Variants in ZC3H11A observed in about 807,000 individuals in gnomAD.
ZC3H11A encodes the protein zinc finger CCCH domain-containing protein 11A.
In ZC3H11A, 22 loss-of-function variants were observed where a neutral mutation model predicts 90.8. The ratio of observed to expected loss-of-function variants is 0.24; its 90% confidence interval spans 0.17 to 0.35. The LOEUF (loss-of-function observed/expected upper bound fraction) is 0.35, where lower values mean the gene tolerates loss of function less well. Ranked by LOEUF, ZC3H11A falls within the 10% of genes least tolerant of loss-of-function variation. The probability of loss-of-function intolerance (pLI) is 1.00; values close to 1 mark genes in which losing one functional copy is unlikely to be tolerated. For missense variants in ZC3H11A, 701 were observed against 964.9 expected, an observed-to-expected ratio of 0.73 and a Z score of 3.62; for synonymous variants, 294 against 339.8, an observed-to-expected ratio of 0.87 and a Z score of 1.48.
At chr1:203,800,610 T>C in intron 1 of ZC3H11A, 1 of 651,612 alleles carries the variant, frequency 1.5e-6, no homozygotes, top group Non-Finnish European at 2.3e-6. Context: ...AGAGGCAATA[T>C]AATTTTGATA....
At chr1:203,848,514 A>G in intron 14 of ZC3H11A, 107 bp downstream of exon 14, 1 of 764,270 alleles carries the variant, frequency 1.3e-6, no homozygotes, top group Non-Finnish European at 2.1e-6. Context: ...TATATTAGGT[A>G]AACAGTCTTT....
intron 8 of ZC3H11A, among the ~76,000 whole-genome samples, 156 bp from the exon 9 acceptor site, chr1:203,831,505 T>C (rs138979836): frequency 4.4e-4 from 67 of 152,344 alleles, no homozygotes; most frequent in Non-Finnish European, 7.3e-4. Context: ...CACTACTCCA[T>C]TTGACTGTAG....
At chr1:203,838,540 C>T (rs553223597) in intron 11 of ZC3H11A, among the ~76,000 whole-genome samples, 47 of 152,322 alleles carry the variant, frequency 3.1e-4, no homozygotes, top group African/African-American at 1.1e-3. Context: ...GCTCAAGGAA[C>T]TGCATATGGC....
At chr1:203,840,183 C>T (rs988231728) in intron 11 of ZC3H11A, 123 bp from the exon 12 acceptor site, 3 of 862,564 alleles carry the variant, frequency 3.5e-6, no homozygotes, top group African/African-American at 3.4e-5. Context: ...AAGTGATCAG[C>T]CTGCCTTGGC....
chr1:203,819,252 C>T (rs1347231138), intron 4 of ZC3H11A, among the ~76,000 whole-genome samples: 1 of 145,354 alleles, frequency 6.9e-6, no homozygotes, highest in African/African-American at 2.6e-5. Context: ...AACGGAGTCT[C>T]ACTCTGTCGC....
intron 2 of ZC3H11A, among the ~76,000 whole-genome samples, chr1:203,805,219 C>T (rs1406133114): frequency 6.6e-6 from 1 of 151,028 alleles, no homozygotes; most frequent in African/African-American, 2.4e-5. Context: ...ACTGGACCTC[C>T]GCCTCCTGGG....
chr1:203,832,809 G>A (rs1682826923), intron 9 of ZC3H11A, among the ~76,000 whole-genome samples: 1 of 152,228 alleles, frequency 6.6e-6, no homozygotes, highest in African/African-American at 2.4e-5. Context: ...AGTTATATTG[G>A]ACAGTTAACA....
chr1:203,852,491 T>G lies in ZC3H11A; in HGVS notation c.*92T>G, dbSNP rs530192881. The G allele has an allele frequency of 4.3e-5, 61 of 1,430,326 alleles. 1 individual carries two copies. In the South Asian group the frequency reaches 7.9e-4, roughly 18 times the overall value. 88.6% of individuals were successfully genotyped at this position (1,430,326 alleles called of 1,614,324 possible). A position where few individuals can be genotyped will look rare whatever the true frequency, so the allele number is the denominator to read the frequency against. ...ACATTTACCTGAGATGATCATTTCTTTAGTCTAGAATTTGCCCCAAATCAG... is the reference window on the plus strand; with the variant it reads ...ACATTTACCTGAGATGATCATTTCTGTAGTCTAGAATTTGCCCCAAATCAG... On this transcript the variant is annotated 3_prime_UTR_variant, in exon 18 of 18. Coordinates refer to ENST00000367210, the MANE Select transcript of ZC3H11A (RefSeq NM_001376342.1).
At chr1:203,819,175 T>C in intron 4 of ZC3H11A, among the ~76,000 whole-genome samples, 1 of 148,700 alleles carries the variant, frequency 6.7e-6, no homozygotes, top group African/African-American at 2.4e-5. Context: ...TATATGTGTG[T>C]GTATATATAT....
At chr1:203,807,524 T>G (rs371490160) in intron 2 of ZC3H11A, among the ~76,000 whole-genome samples, 4 of 150,758 alleles carry the variant, frequency 2.7e-5, no homozygotes. Flanking sequence ...GTCTTACTGT[T>G]TTTTTTTTGT....
intron 2 of ZC3H11A, among the ~76,000 whole-genome samples, chr1:203,806,851 A>G (rs371834021): frequency 2.0e-5 from 1 of 49,722 alleles, no homozygotes; most frequent in Non-Finnish European, 4.3e-5. Context: ...TTTTTTTGCT[A>G]TTTTACTTGA....
At chr1:203,842,428 C>T (rs944042036) in intron 12 of ZC3H11A, among the ~76,000 whole-genome samples, 1 of 152,162 alleles carries the variant, frequency 6.6e-6, no homozygotes. Flanking sequence ...GAAACCCCGT[C>T]TCCACCAAAA....
At position 203,833,796 on chromosome 1, in the gene ZC3H11A, G is replaced by C. The variant is rs1298993328; in HGVS notation, c.817G>C (p.Glu273Gln). 5 of 1,605,974 alleles carry C rather than the reference G, an allele frequency of 3.1e-6. No individual in the cohort carries two copies. Among genetic ancestry groups the C allele is most frequent in the East Asian group, 4.5e-5 (2 of 44,564 alleles). ...TVTLSTKQGE[E>Q]PLVRLSLTER... is the part of the protein sequence containing the mutation. Reference sequence around the variant, plus strand: ...TTCTGCTTTTGCCATTTCAGGAGAAGAACCCTTGGTTAGATTGAGTCTTAC... The same window carrying C: ...TTCTGCTTTTGCCATTTCAGGAGAACAACCCTTGGTTAGATTGAGTCTTAC... Residue 273 changes from glutamate to glutamine, a missense_variant, in exon 10 of 18, where the codon GAA (glutamate) becomes CAA (glutamine). Physicochemically the swap from Glu to Gln is conservative, Grantham distance 29 (BLOSUM62 2). Coordinates refer to ENST00000367210, the MANE Select transcript of ZC3H11A (RefSeq NM_001376342.1).
intron 13 of ZC3H11A, among the ~76,000 whole-genome samples, 165 bp downstream of exon 13, chr1:203,847,852 T>C (rs1217464961): frequency 2.0e-5 from 3 of 152,140 alleles, no homozygotes; most frequent in Non-Finnish European, 4.4e-5. Context: ...AGACCTATGC[T>C]ATTTTGTTTT....
At chr1:203,808,980 G>A (rs546024849) in intron 2 of ZC3H11A, among the ~76,000 whole-genome samples, 8 of 150,664 alleles carry the variant, frequency 5.3e-5, no homozygotes, top group East Asian at 2.0e-4. Flanking sequence ...ACAGGCATTC[G>A]CCACCACGCC....
chr1:203,819,428 G>A (rs900564535), intron 4 of ZC3H11A, among the ~76,000 whole-genome samples: 1 of 151,096 alleles, frequency 6.6e-6, no homozygotes, highest in Non-Finnish European at 1.5e-5. Flanking sequence ...TACCACGCAG[G>A]CCAGGCTGGG....
At chr1:203,797,901 A>G (rs1669159059) in intron 1 of ZC3H11A, 6 of 1,536,084 alleles carry the variant, frequency 3.9e-6, no homozygotes, top group Non-Finnish European at 4.4e-6. Context: ...CTATCTACCT[A>G]GTACTAGAGC....
chr1:203,820,487 T>TGTGTGTGTGTGTGTG (rs1553263519), intron 4 of ZC3H11A, among the ~76,000 whole-genome samples: 5 of 152,032 alleles, frequency 3.3e-5, no homozygotes, highest in Non-Finnish European at 5.9e-5. Context: ...TGTGTGTATA[T>TGTGTGTGTGTGTGTG]TTTGAGTTGA....
rs386369376 is a variant in ZC3H11A at position 203,812,578 on chromosome 1, AT to A, written c.-145-4327del. On this transcript the variant is annotated intron_variant, in intron 2 of 17. Transcript: ENST00000367210. Reference sequence around the variant, plus strand: ...GTATTTTGGATTTTAGCCATTCTAAATTTTTTTTTTTTTTTTTTTTTGAGAC... The same window carrying A: ...GTATTTTGGATTTTAGCCATTCTAAATTTTTTTTTTTTTTTTTTTTGAGAC... Among the ~76,000 whole-genome samples the A allele has an allele frequency of 4.1e-3, 447 of 109,298 alleles. 3 individuals carry two copies. Among genetic ancestry groups the A allele is most frequent in the African/African-American group, 0.015 (397 of 27,240 alleles). 71.7% of individuals were successfully genotyped at this position (109,298 alleles called of 152,430 possible).
Sources: gnomAD v4.1 joint callset for allele counts (sites outside exome capture counted in the v4.1 genomes callset) on GRCh38, gnomAD v4.1.1 for gene constraint, MANE v1.5 for transcripts, NCBI Gene and HGNC (gene_info 2026-07-23, HGNC 2026-07-21) for gene names.